PSPC1: variants seen among roughly 807,000 people sequenced by gnomAD.
PSPC1 encodes paraspeckle protein 1.
Under a neutral mutation model 51.6 loss-of-function variants are expected in PSPC1, and 14 were observed. The ratio of observed to expected loss-of-function variants is 0.27; its 90% CI spans 0.18 to 0.42. The LOEUF is 0.42. Ranked by LOEUF, PSPC1 falls within the 10% of genes least tolerant of loss-of-function variation. PSPC1 has a pLI of 1.00. For missense variants in PSPC1, 406 were observed against 701.1 expected, an observed-to-expected ratio of 0.58 and a Z score of 4.75; for synonymous variants, 193 against 231.9, an observed-to-expected ratio of 0.83 and a Z score of 1.53.
chr13:19,733,784 A>AT (rs1178923206), intron 5 of PSPC1, among the ~76,000 whole-genome samples: 28 of 137,850 alleles, frequency 2.0e-4, no homozygotes, highest in African/African-American at 6.8e-4. Flanking sequence ...AAAAGAAAAA[A>AT]AAATATATAT....
At chr13:19,694,712 C>T (rs575160652) in intron 6 of PSPC1, among the ~76,000 whole-genome samples, 194 of 152,250 alleles carry the variant, frequency 1.3e-3, no homozygotes, top group Non-Finnish European at 2.2e-3. Flanking sequence ...CTCACTAGTC[C>T]CATTCCAAGG....
intron 7 of PSPC1, among the ~76,000 whole-genome samples, chr13:19,708,639 T>C (rs1439590167): frequency 1.3e-5 from 2 of 152,198 alleles, no homozygotes; most frequent in African/African-American, 4.8e-5. Flanking sequence ...AAAACATGCA[T>C]TGGCGACACA....
chr13:19,734,765 G>A (rs1238737881), intron 5 of PSPC1, among the ~76,000 whole-genome samples: 3 of 151,992 alleles, frequency 2.0e-5, no homozygotes, highest in Non-Finnish European at 4.4e-5. Flanking sequence ...TTGCACCACT[G>A]TACTCCAGCC....
chr13:19,771,422 G>T (rs1888615755), intron 2 of PSPC1, among the ~76,000 whole-genome samples: 1 of 152,142 alleles, frequency 6.6e-6, no homozygotes, highest in Admixed American at 6.6e-5. Flanking sequence ...ACAGGCATAA[G>T]CCACCGCGCC....
intron 1 of PSPC1, among the ~76,000 whole-genome samples, chr13:19,773,293 G>T (rs778030475): frequency 7.0e-6 from 1 of 143,692 alleles, no homozygotes. Context: ...ACTGTCACCC[G>T]GGCTAGAGTA....
At chr13:19,694,123 A>T (rs1246104659) in intron 6 of PSPC1, among the ~76,000 whole-genome samples, 33,482 of 50,266 alleles carry the variant, frequency 0.67, 8,659 homozygotes, top group East Asian at 0.77. Context: ...ACTCCATCTC[A>T]AAAAAAAAAA....
At position 19,771,861 on chromosome 13, in the gene PSPC1, G is replaced by A. The variant is rs139172622; in HGVS notation, c.674+381C>T. ...TGGTCATGAACTCCTGACCTGAGGT[G>A]ATCCGCGCACTGAAAGTCTGGGGCT... On this transcript the variant is annotated intron_variant, in intron 2 of 8. Transcript: ENST00000338910. Among the ~76,000 whole-genome samples, 31 of 152,262 alleles carry A rather than the reference G, an allele frequency of 2.0e-4. No homozygotes were observed. The East Asian group carries it at 3.3e-3, about 16-fold the overall frequency.
chr13:19,682,883 GAGAGACCCTGTCTCTCACTA>G (rs2137595834), intron 6 of PSPC1, among the ~76,000 whole-genome samples: 1 of 151,688 alleles, frequency 6.6e-6, no homozygotes, highest in Admixed American at 6.6e-5. Context: ...GTAACATAGT[GAGAGACCCTGTCTCTCACTA>G]AAAAAAAAAA....
At chr13:19,719,719 T>C (rs1276146293) in intron 6 of PSPC1, among the ~76,000 whole-genome samples, 1 of 152,232 alleles carries the variant, frequency 6.6e-6, no homozygotes, top group South Asian at 2.1e-4. Flanking sequence ...GCAAAATTAA[T>C]GGCTGTTTTT....
downstream of PSPC1, among the ~76,000 whole-genome samples, chr13:19,700,487 T>C (rs117069808): frequency 1.8e-4 from 28 of 152,204 alleles, no homozygotes; most frequent in East Asian, 5.4e-3. Context: ...GAATAGCAAA[T>C]TGAATTTTGC....
intron 6 of PSPC1, among the ~76,000 whole-genome samples, chr13:19,683,816 A>G (rs1877551870): frequency 6.6e-6 from 1 of 152,114 alleles, no homozygotes; most frequent in Non-Finnish European, 1.5e-5. Context: ...CTTTTTCAGG[A>G]AAAAAATATA....
intron 7 of PSPC1, among the ~76,000 whole-genome samples, chr13:19,706,727 A>G (rs1224634346): frequency 6.6e-6 from 1 of 152,154 alleles, no homozygotes; most frequent in African/African-American, 2.4e-5. Context: ...AAAAATTCAT[A>G]ACAAAGCCAT....
intron 2 of PSPC1, among the ~76,000 whole-genome samples, chr13:19,771,349 G>C (rs983966893): frequency 6.6e-6 from 1 of 152,070 alleles, no homozygotes; most frequent in Non-Finnish European, 1.5e-5. Flanking sequence ...ATTTGCCCAG[G>C]CTGGTCTCGA....
At chr13:19,776,812 T>C (rs565580846) in intron 1 of PSPC1, among the ~76,000 whole-genome samples, 1 of 149,638 alleles carries the variant, frequency 6.7e-6, no homozygotes, top group African/African-American at 2.4e-5. Context: ...CGGCCTACTA[T>C]ATGTAAATTT....
chr13:19,742,672 G>A (rs920940845), intron 4 of PSPC1, among the ~76,000 whole-genome samples: 5 of 152,154 alleles, frequency 3.3e-5, no homozygotes, highest in Non-Finnish European at 5.9e-5. Flanking sequence ...ATGGGAGGCG[G>A]AGGTTGCAGT....
In PSPC1 at chr13:19,759,483, G is replaced by A. The variant is rs1016398444; in HGVS notation, c.675-65C>T. The A allele has an allele frequency of 5.4e-6, 6 of 1,101,746 alleles. No individual in the cohort carries two copies. The African/African-American group carries it at 9.6e-5, about 18-fold the overall frequency. 68.2% of individuals were successfully genotyped at this position (1,101,746 alleles called of 1,614,324 possible). A position where few individuals can be genotyped will look rare whatever the true frequency, so the allele number is the denominator to read the frequency against. On this transcript the variant is annotated intron_variant, in intron 2 of 8. Transcript: ENST00000338910. ...GCCAAGAATTAATACCGTCTTAAAA[G>A]AAATGTTTTATAATAATAAAGATAT...
At chr13:19,728,351 A>G (rs886976390) in intron 6 of PSPC1, among the ~76,000 whole-genome samples, 34 of 152,122 alleles carry the variant, frequency 2.2e-4, no homozygotes, top group African/African-American at 7.5e-4. Flanking sequence ...TACTTGGACA[A>G]GTTGAACACT....
intron 2 of PSPC1, among the ~76,000 whole-genome samples, chr13:19,763,939 G>A (rs989909720): frequency 6.6e-6 from 1 of 152,130 alleles, no homozygotes; most frequent in Non-Finnish European, 1.5e-5. Flanking sequence ...GGAGGTGGAA[G>A]TTGCAGTGAG....
At chr13:19,716,896 A>T in intron 6 of PSPC1, among the ~76,000 whole-genome samples, 1 of 152,318 alleles carries the variant, frequency 6.6e-6, no homozygotes, top group Admixed American at 6.5e-5. Context: ...GAAAGATTAA[A>T]TAAGAACTGT....
Sources: gnomAD v4.1 joint callset for allele counts (sites outside exome capture counted in the v4.1 genomes callset) on GRCh38, gnomAD v4.1.1 for gene constraint, MANE v1.5 for transcripts, NCBI Gene and HGNC (gene_info 2026-07-23, HGNC 2026-07-21) for gene names.